RIPOR2: variants seen among roughly 807,000 people sequenced by gnomAD.
RIPOR2 encodes the protein RHO family interacting cell polarization regulator 2, also known as rho family-interacting cell polarization regulator 2.
RIPOR2 carries 39 observed loss-of-function variants against 114.5 expected under a neutral mutation model. That is an observed-to-expected ratio of 0.34 (90% CI 0.26 to 0.44). The LOEUF is 0.44. Among genes scored for constraint, RIPOR2 ranks in the 20% least tolerant of loss-of-function variants. The pLI is 1.00. For missense variants in RIPOR2, 1,007 were observed against 1,255.1 expected (o/e 0.80, Z 2.99); for synonymous variants, 445 against 484.4 (o/e 0.92, Z 1.07).
chr6:24,933,023 T>C (rs1233501289), intron 1 of RIPOR2, among the ~76,000 whole-genome samples: 1 of 152,198 alleles, frequency 6.6e-6, no homozygotes, highest in Non-Finnish European at 1.5e-5. Context: ...ATAAATGACT[T>C]GCCCAAGATC....
intron 1 of RIPOR2, among the ~76,000 whole-genome samples, chr6:24,884,213 C>T (rs939301331): frequency 6.6e-5 from 10 of 151,740 alleles, no homozygotes; most frequent in Admixed American, 2.0e-4. Context: ...TCGAGACCAT[C>T]CTGGCTAACA....
At chr6:25,034,894 C>A (rs993514386) in intron 1 of RIPOR2, among the ~76,000 whole-genome samples, 3 of 152,170 alleles carry the variant, frequency 2.0e-5, no homozygotes, top group African/African-American at 7.2e-5. Context: ...AGTTTCCCAT[C>A]ATTTTTCTTC....
chr6:25,002,572 T>C (rs1775368242), intron 1 of RIPOR2, among the ~76,000 whole-genome samples: 1 of 152,258 alleles, frequency 6.6e-6, no homozygotes, highest in African/African-American at 2.4e-5. Flanking sequence ...CTGTATTTCA[T>C]GTTTTCTCCT....
In RIPOR2 at chr6:25,034,092, TTA is replaced by T. The variant is rs3056859; in HGVS notation, c.76+7757_76+7758del. Among the ~76,000 whole-genome samples, 13 of 149,584 alleles carry T rather than the reference TTA, an allele frequency of 8.7e-5. 1 individual carries two copies. The South Asian group carries it at 1.7e-3, about 19-fold the overall frequency. ...TTTTAAAACAAACTACAAAAAGGTT[TTA>T]TATATATATATATTTAGTATATTTT... On this transcript the variant is annotated intron_variant, in intron 1 of 13. Coordinates refer to the RIPOR2 transcript ENST00000510784.
intron 2 of RIPOR2, among the ~76,000 whole-genome samples, chr6:24,875,037 C>T (rs912490343): frequency 1.3e-5 from 2 of 152,152 alleles, no homozygotes; most frequent in Non-Finnish European, 2.9e-5. Context: ...ACCTCCGAGG[C>T]CGGAAGGTGC....
intron 1 of RIPOR2, 81 bp downstream of exon 1, chr6:24,935,757 C>T (rs1771765219): frequency 2.0e-6 from 2 of 1,004,758 alleles, no homozygotes; most frequent in Non-Finnish European, 3.0e-6. Context: ...AAGTCCTTGC[C>T]CAAGCTGGGC....
At position 24,927,338 on chromosome 6, in the gene RIPOR2, CCACCAT is replaced by C. The variant is rs1461407864; in HGVS notation, c.61+8494_61+8499del. On this transcript the variant is annotated intron_variant, in intron 1 of 21. Coordinates refer to ENST00000643898, the MANE Select transcript of RIPOR2 (RefSeq NM_001286445.3). Reference sequence around the variant, plus strand: ...ATCACTACCACCATCACCACCACCACCACCATCACCATCATCGTGAATATCATCATC... The same window carrying C: ...ATCACTACCACCATCACCACCACCACCACCATCATCGTGAATATCATCATC... Among the ~76,000 whole-genome samples, 7 of 149,016 alleles carry C rather than the reference CCACCAT, an allele frequency of 4.7e-5. No homozygotes were observed. The East Asian group carries it at 1.0e-3, about 22-fold the overall frequency.
chr6:24,840,653 G>T, intron 13 of RIPOR2: 1 of 1,532,690 alleles, frequency 6.5e-7, no homozygotes, highest in Non-Finnish European at 8.7e-7. Flanking sequence ...ACTCAAGATG[G>T]CACAAAAGCA....
intron 17 of RIPOR2, among the ~76,000 whole-genome samples, chr6:24,829,603 A>T (rs1407680417): frequency 2.6e-5 from 4 of 152,190 alleles, no homozygotes; most frequent in African/African-American, 9.7e-5. Flanking sequence ...TTCCCCCTGG[A>T]TGACAGGGTG....
intron 19 of RIPOR2, among the ~76,000 whole-genome samples, chr6:24,823,929 G>A (rs930405726): frequency 7.2e-5 from 11 of 152,172 alleles, no homozygotes; most frequent in Admixed American, 4.6e-4. Context: ...GCTAATTTTT[G>A]TATTTTTAGT....
intron 1 of RIPOR2, among the ~76,000 whole-genome samples, chr6:24,914,345 A>G (rs1396143376): frequency 6.6e-6 from 1 of 152,106 alleles, no homozygotes; most frequent in African/African-American, 2.4e-5. Context: ...AACAACAACC[A>G]AAACAAAACA....
In RIPOR2 at chr6:24,883,139, A is replaced by G. The variant is rs183343381; in HGVS notation, c.62-7322T>C. Among the ~76,000 whole-genome samples, 71 of 152,272 alleles carry G rather than the reference A, an allele frequency of 4.7e-4. No homozygotes were observed. The highest frequency in any genetic ancestry group is 6.8e-3 in the Middle Eastern group (2 of 294). ...TTTCCTTTTTTAAAAATTTAACCAA[A>G]CCTTCTATCGAATTAAGAATACAAA... On this transcript the variant is annotated intron_variant, in intron 1 of 21. Coordinates refer to ENST00000643898, the MANE Select transcript of RIPOR2 (RefSeq NM_001286445.3). This position sits in a 1 kb window ranked among gnomAD's most constrained non-coding sequence, Gnocchi z 4.1.
chr6:24,865,053 T>A (rs1171143485), intron 7 of RIPOR2, among the ~76,000 whole-genome samples: 8 of 152,218 alleles, frequency 5.3e-5, no homozygotes, highest in African/African-American at 9.6e-5. Context: ...GCTCAAGCAA[T>A]GCTCTTGCCT....
intron 1 of RIPOR2, among the ~76,000 whole-genome samples, chr6:25,018,707 G>A (rs1776146625): frequency 6.6e-6 from 1 of 151,978 alleles, no homozygotes; most frequent in Non-Finnish European, 1.5e-5. Context: ...TTAAATCCCA[G>A]TTCTATTTTT....
At chr6:24,924,597 TG>T (rs1171482717) in intron 1 of RIPOR2, among the ~76,000 whole-genome samples, 2 of 152,134 alleles carry the variant, frequency 1.3e-5, no homozygotes, top group Admixed American at 1.3e-4. Flanking sequence ...TCCTTCCAAC[TG>T]GTATTACAGA....
At chr6:24,997,200 T>G (rs145833492) in intron 1 of RIPOR2, among the ~76,000 whole-genome samples, 9 of 152,302 alleles carry the variant, frequency 5.9e-5, no homozygotes, top group South Asian at 4.1e-4. Context: ...GGCATTTGTG[T>G]TTTAAAAAAC....
rs1305507962 is a variant in RIPOR2, at chr6:24,935,923, C to G, written c.-25G>C. The G allele has an allele frequency of 6.6e-7, 1 of 1,513,690 alleles. No individual in the cohort carries two copies. The highest frequency in any genetic ancestry group is 2.0e-5 in the Admixed American group (1 of 50,872). 93.8% of individuals were successfully genotyped at this position (1,513,690 alleles called of 1,614,324 possible). ...TCTTGGAGAGGACAGGCGCGAGAAG[C>G]AGCAGGCAGCAGCCCCGGCAGTCTC... is the stretch of plus-strand genomic sequence containing the variant. On this transcript the variant is annotated 5_prime_UTR_variant, in exon 1 of 22. Coordinates refer to ENST00000643898, the MANE Select transcript of RIPOR2 (RefSeq NM_001286445.3).
intron 1 of RIPOR2, chr6:24,976,269 A>G (rs2113564482): frequency 1.6e-6 from 1 of 611,534 alleles, no homozygotes; most frequent in Non-Finnish European, 2.9e-6. Context: ...ATAGTTACAT[A>G]TATTAGAACG....
chr6:24,958,965 T>TTTTTTTTTTC (rs1398735760), intron 1 of RIPOR2, among the ~76,000 whole-genome samples: 7 of 150,394 alleles, frequency 4.7e-5, no homozygotes, highest in African/African-American at 1.7e-4. Flanking sequence ...TTTCTTTTTT[T>TTTTTTTTTTC]TTTGGAGACA....
Sources: allele counts gnomAD v4.1 joint callset (sites outside exome capture counted in the v4.1 genomes callset), GRCh38; gene constraint gnomAD v4.1.1; non-coding constraint Gnocchi (gnomAD v3.1); transcripts MANE v1.5; gene names NCBI Gene and HGNC (gene_info 2026-07-23, HGNC 2026-07-21).